Variants in STX8 observed in about 807,000 individuals in gnomAD.
The protein encoded by STX8 is syntaxin-8.
In STX8, 23 loss-of-function variants were observed where a neutral mutation model predicts 37.5. The observed-to-expected ratio is 0.61, with a 90% CI of 0.44 to 0.87. The LOEUF (loss-of-function observed/expected upper bound fraction) is 0.87, where lower values mean the gene tolerates loss of function less well. Among genes scored for constraint, STX8 ranks in the 40% least tolerant of loss-of-function variants. The pLI, the probability that STX8 is intolerant of heterozygous loss-of-function variation, is 0.00. For synonymous variants in STX8, 115 were observed against 99.1 expected, an observed-to-expected ratio of 1.16 and a Z score of -0.95; for missense variants, 313 against 284.7, an observed-to-expected ratio of 1.10 and a Z score of -0.71.
intron 7 of STX8, among the ~76,000 whole-genome samples, chr17:9,279,654 A>G (rs1236961395): frequency 6.6e-6 from 1 of 152,154 alleles, no homozygotes; most frequent in Non-Finnish European, 1.5e-5. Context: ...ACTATGATGG[A>G]CTTCTCACTG....
chr17:9,535,755 C>T (rs1906022903), intron 4 of STX8, among the ~76,000 whole-genome samples: 1 of 151,924 alleles, frequency 6.6e-6, no homozygotes, highest in Middle Eastern at 3.2e-3. Context: ...CTTCTAAGAA[C>T]TCACCTAGAG....
chr17:9,374,184 C>A (rs1382458775), intron 7 of STX8, among the ~76,000 whole-genome samples: 1 of 151,304 alleles, frequency 6.6e-6, no homozygotes, highest in Non-Finnish European at 1.5e-5. Flanking sequence ...CAGGTTTAAG[C>A]GATTCTCCTG....
intron 3 of STX8, among the ~76,000 whole-genome samples, chr17:9,550,611 C>T (rs1906724104): frequency 6.6e-6 from 1 of 151,978 alleles, no homozygotes; most frequent in Admixed American, 6.6e-5. Context: ...AAAACTGGAT[C>T]CTGATTTCAT....
intron 6 of STX8, among the ~76,000 whole-genome samples, chr17:9,466,044 C>T (rs1206872805): frequency 1.3e-5 from 2 of 152,068 alleles, no homozygotes; most frequent in African/African-American, 4.8e-5. Context: ...AATCTCGGCT[C>T]ACTGCAACCT....
intron 7 of STX8, among the ~76,000 whole-genome samples, chr17:9,356,092 G>A (rs1298752749): frequency 6.6e-6 from 1 of 152,104 alleles, no homozygotes; most frequent in Admixed American, 6.6e-5. Context: ...AACTTAACTA[G>A]AAGACATTAA....
chr17:9,379,507 G>T (rs1911720055), intron 6 of STX8, among the ~76,000 whole-genome samples: 1 of 152,148 alleles, frequency 6.6e-6, no homozygotes, highest in African/African-American at 2.4e-5. Flanking sequence ...GGGGAAGGAA[G>T]GTGAAAAGAA....
At chr17:9,574,569 G>C (rs1472866702) in intron 1 of STX8, among the ~76,000 whole-genome samples, 4 of 150,212 alleles carry the variant, frequency 2.7e-5, no homozygotes, top group Admixed American at 1.3e-4. Flanking sequence ...AGTTTCGCTC[G>C]TGTTGCCCAG....
intron 7 of STX8, among the ~76,000 whole-genome samples, chr17:9,330,432 C>T (rs1000336224): frequency 2.0e-5 from 3 of 152,206 alleles, no homozygotes; most frequent in East Asian, 1.9e-4. Context: ...TCCCACCCCC[C>T]AACCCGGTCT....
At chr17:9,565,761 G>T (rs1355196830) in intron 2 of STX8, among the ~76,000 whole-genome samples, 1 of 152,136 alleles carries the variant, frequency 6.6e-6, no homozygotes, top group Non-Finnish European at 1.5e-5. Flanking sequence ...ACCACGTGCA[G>T]AAGATAGAAA....
At chr17:9,524,780 TG>T (rs545373867) in intron 4 of STX8, among the ~76,000 whole-genome samples, 58 of 94,806 alleles carry the variant, frequency 6.1e-4, no homozygotes, top group South Asian at 2.9e-3. Context: ...TGTTTTGTTT[TG>T]TTTTTGTTTG....
At chr17:9,388,244 ATAT>A (rs2142298884) in intron 6 of STX8, among the ~76,000 whole-genome samples, 1 of 151,032 alleles carries the variant, frequency 6.6e-6, no homozygotes, top group Admixed American at 6.6e-5. Context: ...CTAATTTTTT[ATAT>A]TTTTAGTAGA....
intron 7 of STX8, among the ~76,000 whole-genome samples, chr17:9,253,205 GGGGT>G (rs1470755965): frequency 1.0e-4 from 6 of 58,086 alleles, no homozygotes; most frequent in African/African-American, 3.2e-4. Context: ...GGCAGGGGTA[GGGGT>G]GTGTGTGTGT....
rs114315397 is a variant in STX8, at chr17:9,371,709, G to A, written c.643+6843C>T. On this transcript the variant is annotated intron_variant, in intron 7 of 7. Coordinates refer to ENST00000306357, the MANE Select transcript of STX8 (RefSeq NM_004853.3). The stretch of plus-strand genomic sequence containing the variant: ...TCTGCTGATACCAAATATGTTCACT[G>A]GATTTTTTAATTTCAGTTACCTGTT... Among the ~76,000 whole-genome samples the A allele has an allele frequency of 1.5e-3, 229 of 151,034 alleles. 1 individual carries two copies. The highest frequency in any genetic ancestry group is 5.4e-3 in the African/African-American group (221 of 41,128).
intron 4 of STX8, among the ~76,000 whole-genome samples, chr17:9,530,142 C>T (rs1905756358): frequency 2.0e-5 from 3 of 151,892 alleles, no homozygotes; most frequent in Non-Finnish European, 1.5e-5. Context: ...CCCGTTTCTA[C>T]TAAAAAAATA....
At chr17:9,316,961 T>A (rs567618383) in intron 7 of STX8, among the ~76,000 whole-genome samples, 2 of 152,200 alleles carry the variant, frequency 1.3e-5, no homozygotes, top group South Asian at 4.1e-4. Context: ...AAGTGAAGCA[T>A]TGCGGGTGAG....
chr17:9,399,699 C>T (rs1912533074), intron 6 of STX8, among the ~76,000 whole-genome samples: 1 of 151,824 alleles, frequency 6.6e-6, no homozygotes, highest in Non-Finnish European at 1.5e-5. Context: ...AACCCCATCT[C>T]TACTAAAAAT....
intron 7 of STX8, among the ~76,000 whole-genome samples, chr17:9,300,692 A>C (rs1908739624): frequency 6.6e-6 from 1 of 152,130 alleles, no homozygotes; most frequent in African/African-American, 2.4e-5. Flanking sequence ...TGAAATTTCC[A>C]AGTAGACAAC....
intron 6 of STX8, among the ~76,000 whole-genome samples, chr17:9,439,759 G>A (rs189370119): frequency 6.6e-6 from 1 of 152,134 alleles, no homozygotes; most frequent in Admixed American, 6.5e-5. Flanking sequence ...CTCTCAAAGT[G>A]CTGGGATTAC....
chr17:9,532,627 A>G (rs1905864771), intron 4 of STX8, among the ~76,000 whole-genome samples: 1 of 152,232 alleles, frequency 6.6e-6, no homozygotes, highest in Non-Finnish European at 1.5e-5. Flanking sequence ...TACTTTAAAA[A>G]TAAATTTATA....
Sources: gnomAD v4.1 joint callset for allele counts (sites outside exome capture counted in the v4.1 genomes callset) on GRCh38, gnomAD v4.1.1 for gene constraint, MANE v1.5 for transcripts, NCBI Gene and HGNC (gene_info 2026-07-23, HGNC 2026-07-21) for gene names.